Variants in TP63 observed in about 807,000 individuals in gnomAD.
TP63 encodes tumor protein p63.
TP63 carries 17 observed loss-of-function variants against 82.8 expected under a neutral mutation model. The observed-to-expected ratio is 0.21, with a 90% CI of 0.14 to 0.31. The LOEUF is 0.31. Among genes scored for constraint, TP63 ranks in the 10% least tolerant of loss-of-function variants. TP63 has a pLI of 1.00. For synonymous variants in TP63, 330 were observed against 321.7 expected (o/e 1.03, Z -0.28); for missense variants, 648 against 895.3 (o/e 0.72, Z 3.52).
At chr3:189,771,984 T>G (rs1723414300) in intron 3 of TP63, among the ~76,000 whole-genome samples, 1 of 152,208 alleles carries the variant, frequency 6.6e-6, no homozygotes, top group Non-Finnish European at 1.5e-5. Context: ...AAATTGTGCT[T>G]TTGTTTACAT....
intron 1 of TP63, among the ~76,000 whole-genome samples, chr3:189,639,379 G>A (rs1560076844): frequency 6.6e-6 from 1 of 152,030 alleles, no homozygotes; most frequent in Non-Finnish European, 1.5e-5. Flanking sequence ...TAATATTTGG[G>A]GGATAACTTA....
chr3:189,890,617 C>T (rs761819999), intron 12 of TP63, among the ~76,000 whole-genome samples, 172 bp from the exon 13 acceptor site: 34 of 152,254 alleles, frequency 2.2e-4, no homozygotes, highest in African/African-American at 8.2e-4. Context: ...TTCATGTCAC[C>T]AGTAATCTCC....
At chr3:189,798,459 T>C (rs919045390) in intron 3 of TP63, among the ~76,000 whole-genome samples, 2 of 152,124 alleles carry the variant, frequency 1.3e-5, no homozygotes, top group African/African-American at 2.4e-5. Context: ...TATGTGCTGC[T>C]TTCACATAAT....
In TP63 at chr3:189,775,472, G is replaced by A. The variant is rs115078804; in HGVS notation, c.325-32800G>A. ...CACCTTCCACACAGCTACCTAGATCGTAATATGCCATGTTTTCTCTCTCCT... is the reference window on the plus strand; with the variant it reads ...CACCTTCCACACAGCTACCTAGATCATAATATGCCATGTTTTCTCTCTCCT... On this transcript the variant is annotated intron_variant, in intron 3 of 13. Transcript: ENST00000264731. 9.8e-3 allele frequency among the ~76,000 whole-genome samples: 1,488 copies of A among 152,152 alleles called. 33 individuals carry two copies. Among genetic ancestry groups the A allele is most frequent in the African/African-American group, 0.033 (1,390 of 41,512 alleles).
intron 4 of TP63, among the ~76,000 whole-genome samples, chr3:189,818,832 C>G (rs1728479592): frequency 6.6e-6 from 1 of 152,114 alleles, no homozygotes; most frequent in Admixed American, 6.5e-5. Context: ...ATAAAAGGTC[C>G]TCAAAGGCAG....
chr3:189,700,457 C>T (rs1319218367), intron 1 of TP63, among the ~76,000 whole-genome samples: 2 of 151,986 alleles, frequency 1.3e-5, no homozygotes, highest in Non-Finnish European at 2.9e-5. Context: ...TATTAATATC[C>T]CAAAATTGCG....
Position 189,726,041 on chromosome 3 carries a change from C to A in TP63, c.63-11699C>A, listed in dbSNP as rs375780950. On this transcript the variant is annotated intron_variant, in intron 1 of 13. Transcript: ENST00000264731. ...TTGCACTCCAGCCTAGGCAACAGAG[C>A]GAGAGTTTATTTTGGGTGGGGCGGG... Among the ~76,000 whole-genome samples, 22 of 123,662 alleles carry A rather than the reference C, an allele frequency of 1.8e-4. No homozygotes were observed. In the Admixed American group the frequency reaches 1.9e-3, roughly 11 times the overall value. The allele number at this position is 123,662 out of a possible 152,430, so 81.1% of individuals were successfully genotyped here. A position where few individuals can be genotyped will look rare whatever the true frequency, so the allele number is the denominator to read the frequency against.
chr3:189,804,521 G>A (rs1260538779), intron 3 of TP63, among the ~76,000 whole-genome samples: 3 of 152,130 alleles, frequency 2.0e-5, no homozygotes, highest in Non-Finnish European at 2.9e-5. Flanking sequence ...GACCTGTCTG[G>A]GTGACACTTG....
At chr3:189,891,299 G>A (rs1195991441) in intron 13 of TP63, among the ~76,000 whole-genome samples, 4 of 152,228 alleles carry the variant, frequency 2.6e-5, no homozygotes, top group Non-Finnish European at 5.9e-5. Context: ...TGACACAGTA[G>A]TCATTTGCCA....
At chr3:189,707,996 A>T (rs1718327152) in intron 1 of TP63, among the ~76,000 whole-genome samples, 1 of 152,208 alleles carries the variant, frequency 6.6e-6, no homozygotes, top group Admixed American at 6.5e-5. Context: ...TATTACATGC[A>T]GTGAAATCTG....
At position 189,715,874 on chromosome 3, in the gene TP63, G is replaced by A. The variant is rs1175224413; in HGVS notation, c.63-21866G>A. Among the ~76,000 whole-genome samples the A allele has an allele frequency of 2.0e-5, 3 of 152,294 alleles. No individual in the cohort carries two copies. The East Asian group carries it at 5.8e-4, about 29-fold the overall frequency. On this transcript the variant is annotated intron_variant, in intron 1 of 13. Transcript: ENST00000264731. Reference sequence around the variant, plus strand: ...CGTGAGCACTGAGGCTTCAGGAACTGAACCATGCTCTTCTGTGCCCATCCC... The same window carrying A: ...CGTGAGCACTGAGGCTTCAGGAACTAAACCATGCTCTTCTGTGCCCATCCC...
intron 3 of TP63, among the ~76,000 whole-genome samples, chr3:189,755,388 A>G (rs1440427819): frequency 6.6e-6 from 1 of 152,184 alleles, no homozygotes; most frequent in Admixed American, 6.5e-5. Flanking sequence ...AACCAGTGAT[A>G]ATAACTATGA....
chr3:189,875,592 A>ATATG (rs1718970913), intron 10 of TP63, among the ~76,000 whole-genome samples: 1 of 28,456 alleles, frequency 3.5e-5, no homozygotes, highest in Non-Finnish European at 8.5e-5. Flanking sequence ...AAAAATACAT[A>ATATG]CATATATATA....
intron 1 of TP63, among the ~76,000 whole-genome samples, chr3:189,661,140 GTCT>G (rs1713845109): frequency 6.6e-6 from 1 of 152,148 alleles, no homozygotes; most frequent in East Asian, 1.9e-4. Flanking sequence ...AAGCATCCTT[GTCT>G]TCTTCTAGTT....
In TP63 at chr3:189,818,624, G is replaced by A. The variant is rs150778451; in HGVS notation, c.579+10098G>A. Among the ~76,000 whole-genome samples, 43 of 152,054 alleles carry A rather than the reference G, an allele frequency of 2.8e-4. 1 individual carries two copies. The East Asian group carries it at 8.3e-3, about 29-fold the overall frequency. ...TTGTATAATATATTCCTGTTACTAG[G>A]AATGATGCTTAAAAAAATTCTATAG... On this transcript the variant is annotated intron_variant, in intron 4 of 13. Coordinates refer to ENST00000264731, the MANE Select transcript of TP63 (RefSeq NM_003722.5).
chr3:189,864,402 C>T lies in TP63; in HGVS notation c.750C>T (p.Ser250=), dbSNP rs371524635. Reference sequence around the variant, plus strand: ...AGCGGTGCCCCAACCATGAGCTGAGCCGTGAATTCAACGAGGGTAAGCAGA... The same window carrying T: ...AGCGGTGCCCCAACCATGAGCTGAGTCGTGAATTCAACGAGGGTAAGCAGA... ...VVKRCPNHEL[S]REFNEGQIAP... is the part of the protein sequence containing the mutation. The change falls in exon 5 of 14, where the codon AGC becomes AGT. Residue 250 remains serine, a synonymous_variant. Coordinates refer to ENST00000264731, the MANE Select transcript of TP63 (RefSeq NM_003722.5). 3.7e-6 allele frequency: 6 copies of T among 1,613,254 alleles called. No individual in the cohort carries two copies. Among genetic ancestry groups the T allele is most frequent in the Non-Finnish European group, 5.1e-6 (6 of 1,179,430 alleles).
At chr3:189,838,691 G>A (rs1713507692) in intron 4 of TP63, among the ~76,000 whole-genome samples, 2 of 152,008 alleles carry the variant, frequency 1.3e-5, no homozygotes, top group African/African-American at 4.8e-5. Context: ...CAATTATCCA[G>A]GGGTTCCCTT....
chr3:189,644,855 T>G (rs1712256466), intron 1 of TP63, among the ~76,000 whole-genome samples: 1 of 152,204 alleles, frequency 6.6e-6, no homozygotes, highest in African/African-American at 2.4e-5. Flanking sequence ...CAAATGCCAT[T>G]ATTTCTTTCC....
intron 1 of TP63, among the ~76,000 whole-genome samples, chr3:189,654,918 A>G (rs1372416326): frequency 6.6e-6 from 1 of 152,188 alleles, no homozygotes; most frequent in Non-Finnish European, 1.5e-5. Context: ...GAGAGAAGCC[A>G]AATTTTAGGT....
Sources: allele counts gnomAD v4.1 joint callset (sites outside exome capture counted in the v4.1 genomes callset), GRCh38; gene constraint gnomAD v4.1.1; transcripts MANE v1.5; gene names NCBI Gene and HGNC (gene_info 2026-07-23, HGNC 2026-07-21).